The following ATXN10 variants were observed in gnomAD, a reference collection of about 807,000 sequenced individuals.
ATXN10 encodes the protein ataxin 10, also known as ataxin-10.
ATXN10 carries 28 observed loss-of-function variants against 52.9 expected under a neutral mutation model. The observed-to-expected ratio is 0.53, with a 90% CI of 0.39 to 0.73. The LOEUF is 0.73. Ranked by LOEUF, ATXN10 falls within the 30% of genes least tolerant of loss-of-function variation. The pLI is 0.00. For synonymous variants in ATXN10, 226 were observed against 221.5 expected (o/e 1.02, Z -0.18); for missense variants, 565 against 577.0 (o/e 0.98, Z 0.21).
intron 9 of ATXN10, among the ~76,000 whole-genome samples, chr22:45,745,029 G>A (rs1038937770): frequency 7.9e-5 from 12 of 152,080 alleles, no homozygotes; most frequent in African/African-American, 2.9e-4. Flanking sequence ...CTCGACTTGT[G>A]TAGTATTTCC....
At chr22:45,755,589 T>C (rs1315859087) in intron 9 of ATXN10, among the ~76,000 whole-genome samples, 5 of 152,172 alleles carry the variant, frequency 3.3e-5, no homozygotes, top group African/African-American at 9.7e-5. Flanking sequence ...TAGTAATAAT[T>C]TGTGTATATT....
chr22:45,827,107 T>C (rs1420611971), intron 10 of ATXN10, among the ~76,000 whole-genome samples: 1 of 148,824 alleles, frequency 6.7e-6, no homozygotes, highest in Non-Finnish European at 1.5e-5. Context: ...CTTTCGAATG[T>C]TAAATGTAAT....
chr22:45,769,223 C>T lies in ATXN10; in HGVS notation c.1173+28685C>T, dbSNP rs1454094295. Among the ~76,000 whole-genome samples, 3 of 152,174 alleles carry T rather than the reference C, an allele frequency of 2.0e-5. No homozygotes were observed. In the South Asian group the frequency reaches 6.3e-4, roughly 32 times the overall value. On this transcript the variant is annotated intron_variant, in intron 9 of 11. Transcript: ENST00000252934. The surrounding 1 kb of genome is among the most constrained non-coding windows in gnomAD (Gnocchi z 4.2). ...GAGAGCTCTTGGTGGGTAGGGGACT[C>T]ATCATGGAATCTGAAAGGCAGCTTT... is the stretch of plus-strand genomic sequence containing the variant.
rs1008690202 is a variant in ATXN10, at chr22:45,718,223, A to AT, written c.648-182dup. Among the ~76,000 whole-genome samples, 18 of 151,992 alleles carry AT rather than the reference A, an allele frequency of 1.2e-4. No individual in the cohort carries two copies. Among genetic ancestry groups the AT allele is most frequent in the Admixed American group, 5.2e-4 (8 of 15,252 alleles). ...AAAATTGGAGAAAAATATTTTTAGG[A>AT]TTTTTTTTCCTTTTAGCTGCTGATA... On this transcript the variant is annotated intron_variant, in intron 5 of 11. Transcript: ENST00000252934. This position sits in a 1 kb window ranked among gnomAD's most constrained non-coding sequence, Gnocchi z 4.4.
intron 6 of ATXN10, among the ~76,000 whole-genome samples, chr22:45,729,014 T>A (rs1335038418): frequency 6.6e-6 from 1 of 152,042 alleles, no homozygotes; most frequent in Non-Finnish European, 1.5e-5. Context: ...CCTCATGGAG[T>A]TTTTGTGAGG....
intron 5 of ATXN10, among the ~76,000 whole-genome samples, chr22:45,707,878 A>G (rs573532164): frequency 1.2e-4 from 18 of 152,276 alleles, no homozygotes; most frequent in African/African-American, 1.9e-4. Flanking sequence ...TTTGCTGTTA[A>G]ATATAAACTC....
intron 1 of ATXN10, 131 bp downstream of exon 1, chr22:45,672,310 C>T (rs1269851426): frequency 9.6e-7 from 1 of 1,038,912 alleles, no homozygotes; most frequent in Non-Finnish European, 1.2e-6. Context: ...GCGCGGGCTG[C>T]CTGAGCGCCA....
Position 45,671,964 on chromosome 22 carries a change from T to TCCTCCTCGCCATCCTACTCCTC in ATXN10, c.-91_-70dup. The TCCTCCTCGCCATCCTACTCCTC allele has an allele frequency of 3.0e-6, 4 of 1,354,426 alleles. No homozygotes were observed. Among genetic ancestry groups the TCCTCCTCGCCATCCTACTCCTC allele is most frequent in the Admixed American group, 2.1e-5 (1 of 47,800 alleles). The allele number at this position is 1,354,426 out of a possible 1,614,324, so 83.9% of individuals were successfully genotyped here. On this transcript the variant is annotated 5_prime_UTR_variant, in exon 1 of 12. Transcript: ENST00000252934. The stretch of plus-strand genomic sequence containing the variant: ...GCTGTGTAGGGCGAGGCCTCCCCCT[T>TCCTCCTCGCCATCCTACTCCTC]CCTCCTCGCCATCCTACTCCTCCCT...
chr22:45,707,882 T>G (rs1924103309), intron 5 of ATXN10, among the ~76,000 whole-genome samples: 1 of 152,176 alleles, frequency 6.6e-6, no homozygotes, highest in Non-Finnish European at 1.5e-5. Flanking sequence ...CTGTTAAATA[T>G]AAACTCATCC....
chr22:45,693,114 T>C, intron 3 of ATXN10, 36 bp downstream of exon 3: 1 of 1,547,238 alleles, frequency 6.5e-7, no homozygotes. Flanking sequence ...TATTTATATC[T>C]TTATAAAGGG....
chr22:45,836,570 A>G (rs1184787022), intron 10 of ATXN10, among the ~76,000 whole-genome samples: 1 of 152,184 alleles, frequency 6.6e-6, no homozygotes, highest in Non-Finnish European at 1.5e-5. Flanking sequence ...CCTCTCAGTA[A>G]GAAAGTTCTT....
intron 7 of ATXN10, among the ~76,000 whole-genome samples, chr22:45,734,013 A>G (rs1213653577): frequency 6.6e-6 from 1 of 152,170 alleles, no homozygotes; most frequent in African/African-American, 2.4e-5. Context: ...ATATTTAACT[A>G]TATAGACTCA....
intron 1 of ATXN10, among the ~76,000 whole-genome samples, chr22:45,687,531 C>T (rs972304953): frequency 7.9e-5 from 12 of 152,134 alleles, no homozygotes; most frequent in African/African-American, 1.7e-4. Flanking sequence ...AAAAGAGAGG[C>T]GTTATTGAAG....
At chr22:45,672,687 G>C (rs73886486) in intron 1 of ATXN10, 31,137 of 152,466 alleles carry the variant, frequency 0.2, 3,942 homozygotes, top group African/African-American at 0.36. Flanking sequence ...TGCACCATCT[G>C]CCCTGGGGGC....
chr22:45,724,050 A>G (rs1270453038), intron 6 of ATXN10, among the ~76,000 whole-genome samples: 5 of 150,982 alleles, frequency 3.3e-5, no homozygotes, highest in Admixed American at 1.3e-4. Flanking sequence ...CATTGTGTAT[A>G]TATATATATA....
chr22:45,764,029 C>G (rs1254388846), intron 9 of ATXN10, among the ~76,000 whole-genome samples: 1 of 152,228 alleles, frequency 6.6e-6, no homozygotes, highest in Non-Finnish European at 1.5e-5. Context: ...CCCGGCCTCT[C>G]CGGCAGCCTC....
chr22:45,839,979 G>T (rs1929293387), intron 10 of ATXN10, among the ~76,000 whole-genome samples: 1 of 152,214 alleles, frequency 6.6e-6, no homozygotes, highest in African/African-American at 2.4e-5. Flanking sequence ...ACATTTCCCA[G>T]CACCACGCTA....
rs1928605477 is a variant in ATXN10, at chr22:45,820,321, G to A, written c.1237+13299G>A. ...TGATCACCGTCTAGTTGGAGAAACAGGCCATTGTGATAATACAGGACAGAA... is the reference window on the plus strand; with the variant it reads ...TGATCACCGTCTAGTTGGAGAAACAAGCCATTGTGATAATACAGGACAGAA... On this transcript the variant is annotated intron_variant, in intron 10 of 11. Coordinates refer to ENST00000252934, the MANE Select transcript of ATXN10 (RefSeq NM_013236.4). The surrounding 1 kb of genome is among the most constrained non-coding windows in gnomAD (Gnocchi z 4.9). Among the ~76,000 whole-genome samples, 1 of 152,208 alleles carries A rather than the reference G, an allele frequency of 6.6e-6. No individual in the cohort carries two copies. The highest frequency in any genetic ancestry group is 2.4e-5 in the African/African-American group (1 of 41,456).
rs16994515 is a variant in ATXN10, at chr22:45,778,562, C to T, written c.1174-28397C>T. On this transcript the variant is annotated intron_variant, in intron 9 of 11. Coordinates refer to ENST00000252934, the MANE Select transcript of ATXN10 (RefSeq NM_013236.4). ...TTCAGAGTTGGAACCCTTATAAGTC[C>T]GCGTTTACTATTCTTGAGGTTTTTA... 9.0e-3 allele frequency among the ~76,000 whole-genome samples: 1,373 copies of T among 152,180 alleles called. 34 individuals carry two copies. In the East Asian group the frequency reaches 0.11, roughly 12 times the overall value.
Sources: allele counts gnomAD v4.1 joint callset (sites outside exome capture counted in the v4.1 genomes callset), GRCh38; gene constraint gnomAD v4.1.1; non-coding constraint Gnocchi (gnomAD v3.1); transcripts MANE v1.5; gene names NCBI Gene and HGNC (gene_info 2026-07-23, HGNC 2026-07-21).